The following KANSL1L variants were observed in gnomAD, a reference collection of about 807,000 sequenced individuals.
KANSL1L encodes KAT8 regulatory NSL complex subunit 1 like.
KANSL1L carries 25 observed loss-of-function variants against 108.6 expected under a neutral mutation model. The ratio of observed to expected loss-of-function variants is 0.23; its 90% CI spans 0.17 to 0.32. KANSL1L has a LOEUF of 0.32. KANSL1L is among the 10% of genes least tolerant of loss of function. KANSL1L has a pLI of 1.00. For synonymous variants in KANSL1L, 405 were observed against 395.1 expected (o/e 1.03, Z -0.30); for missense variants, 1,137 against 1,125.7 (o/e 1.01, Z -0.14).
At chr2:210,095,311 A>C (rs1200179063) in intron 5 of KANSL1L, among the ~76,000 whole-genome samples, 2 of 152,042 alleles carry the variant, frequency 1.3e-5, no homozygotes, top group African/African-American at 4.8e-5. Context: ...CTTGAAGGGT[A>C]ATCTTGACCC....
rs1346859840 is a variant in KANSL1L at position 210,104,209 on chromosome 2, T to C, written c.1323A>G (p.Leu441=). The part of the protein sequence containing the change: ...FADQAASLNI[L]GNPQVPQECQ... ...ACTCCTGGGGAACCTGAGGATTCCC[T>C]AGAATGTTTAGTGAAGCTGCTTGGT... The change falls in exon 4 of 15, where the codon CTA becomes CTG. Residue 441 remains leucine (L), a synonymous_variant. Coordinates refer to ENST00000281772, the MANE Select transcript of KANSL1L (RefSeq NM_152519.4). 3 of 1,612,996 alleles carry C rather than the reference T, an allele frequency of 1.9e-6. No homozygotes were observed. Among genetic ancestry groups the C allele is most frequent in the South Asian group, 1.1e-5 (1 of 91,062 alleles).
At chr2:210,070,897 C>A (rs1016029055) in intron 6 of KANSL1L, among the ~76,000 whole-genome samples, 2 of 152,084 alleles carry the variant, frequency 1.3e-5, no homozygotes, top group African/African-American at 4.8e-5. Context: ...CAGTGGCTCA[C>A]GCCTGTAATC....
chr2:210,144,337 C>T (rs141151219), intron 2 of KANSL1L, among the ~76,000 whole-genome samples: 5 of 152,266 alleles, frequency 3.3e-5, no homozygotes, highest in African/African-American at 9.6e-5. Context: ...CTCTCCTTTA[C>T]CCCGATGTGA....
At chr2:210,055,907 A>G (rs1191265324) in intron 6 of KANSL1L, among the ~76,000 whole-genome samples, 1 of 152,266 alleles carries the variant, frequency 6.6e-6, no homozygotes, top group Non-Finnish European at 1.5e-5. Flanking sequence ...AGAAATCTGC[A>G]TAAGTAACAA....
At chr2:210,096,826 A>G (rs1298673241) in intron 5 of KANSL1L, 2 of 905,586 alleles carry the variant, frequency 2.2e-6, no homozygotes, top group South Asian at 5.1e-5. Flanking sequence ...TGTTCCCACA[A>G]TAGAACAATG....
At chr2:210,085,254 A>G (rs951673003) in intron 5 of KANSL1L, among the ~76,000 whole-genome samples, 4 of 152,228 alleles carry the variant, frequency 2.6e-5, no homozygotes, top group Admixed American at 2.0e-4. Context: ...AGGAAAAGGA[A>G]TAACAAAAGA....
chr2:210,168,473 A>G (rs1032591944), intron 1 of KANSL1L, among the ~76,000 whole-genome samples: 1 of 152,146 alleles, frequency 6.6e-6, no homozygotes, highest in Non-Finnish European at 1.5e-5. Flanking sequence ...AACCATCTCA[A>G]TAATAAAGGA....
intron 2 of KANSL1L, among the ~76,000 whole-genome samples, chr2:210,140,839 G>A (rs2095221228): frequency 6.6e-6 from 1 of 151,720 alleles, no homozygotes; most frequent in African/African-American, 2.4e-5. Context: ...AGTTGTTGGT[G>A]TACATATCTT....
chr2:210,140,585 A>T (rs944531863), intron 2 of KANSL1L, among the ~76,000 whole-genome samples: 5 of 152,122 alleles, frequency 3.3e-5, no homozygotes, highest in African/African-American at 1.2e-4. Context: ...AAGTCAGGTA[A>T]TGTGGTGCCT....
chr2:210,097,944 T>C (rs1354306378), intron 5 of KANSL1L, 142 bp downstream of exon 5: 1 of 464,852 alleles, frequency 2.2e-6, no homozygotes, highest in African/African-American at 2.1e-5. Flanking sequence ...AAAAAATGCA[T>C]CCATGGTATA....
intron 5 of KANSL1L, chr2:210,080,145 G>GCACACACACACACA (rs79443997): frequency 6.2e-5 from 9 of 146,134 alleles, no homozygotes; most frequent in African/African-American, 2.0e-4. Context: ...ACACACGCGT[G>GCACACACACACACA]CACACACACA....
intron 5 of KANSL1L, among the ~76,000 whole-genome samples, chr2:210,089,230 T>C (rs2094668811): frequency 6.6e-6 from 1 of 152,226 alleles, no homozygotes; most frequent in Non-Finnish European, 1.5e-5. Context: ...ACAATCATCT[T>C]ACTGTCACGG....
In KANSL1L at chr2:210,040,545, A is replaced by G. The variant is rs1293302889; in HGVS notation, c.1922-18T>C. The G allele has an allele frequency of 1.6e-6, 2 of 1,239,282 alleles. No homozygotes were observed. Among genetic ancestry groups the G allele is most frequent in the Non-Finnish European group, 2.3e-6 (2 of 881,810 alleles). The allele number at this position is 1,239,282 out of a possible 1,614,324, so 76.8% of individuals were successfully genotyped here. A position where few individuals can be genotyped will look rare whatever the true frequency, so the allele number is the denominator to read the frequency against. On this transcript the variant is annotated intron_variant, in intron 7 of 14. Transcript: ENST00000281772. ...AGGCACATCTGGAAAAATAAAATAAAAAAGGTATTTTCAAATACCACTCTT... is the reference window on the plus strand; with the variant it reads ...AGGCACATCTGGAAAAATAAAATAAGAAAGGTATTTTCAAATACCACTCTT...
At chr2:210,163,267 C>T (rs1464818615) in intron 1 of KANSL1L, among the ~76,000 whole-genome samples, 1 of 152,038 alleles carries the variant, frequency 6.6e-6, no homozygotes, top group Non-Finnish European at 1.5e-5. Context: ...AAAAAACAGA[C>T]AACATGCAAC....
At chr2:210,171,565 C>T (rs1188778585), upstream of KANSL1L, 1 of 152,530 alleles carries the variant, frequency 6.6e-6, no homozygotes, top group East Asian at 1.9e-4. Flanking sequence ...ACTCCCTTAA[C>T]TCTGGTGCAG....
chr2:210,069,940 T>C (rs1243269464), intron 6 of KANSL1L, among the ~76,000 whole-genome samples: 2 of 150,490 alleles, frequency 1.3e-5, no homozygotes, highest in African/African-American at 4.9e-5. Context: ...GCAATTCTCC[T>C]GTCTCAGCCT....
intron 3 of KANSL1L, among the ~76,000 whole-genome samples, chr2:210,116,307 C>T (rs949776428): frequency 1.3e-5 from 2 of 152,166 alleles, no homozygotes; most frequent in Non-Finnish European, 2.9e-5. Context: ...TCTCTAGACC[C>T]ACCCGGGGCT....
intron 2 of KANSL1L, among the ~76,000 whole-genome samples, chr2:210,129,933 T>C (rs1292914465): frequency 6.6e-6 from 1 of 151,080 alleles, no homozygotes; most frequent in African/African-American, 2.4e-5. Context: ...TAGAGAAAAA[T>C]TATTGGGGAT....
At chr2:210,089,620 A>G (rs2094673056) in intron 5 of KANSL1L, among the ~76,000 whole-genome samples, 1 of 152,182 alleles carries the variant, frequency 6.6e-6, no homozygotes, top group African/African-American at 2.4e-5. Flanking sequence ...GTGTATTCTC[A>G]TAACTACTTT....
Sources: gnomAD v4.1 joint callset for allele counts (sites outside exome capture counted in the v4.1 genomes callset) on GRCh38, gnomAD v4.1.1 for gene constraint, MANE v1.5 for transcripts, NCBI Gene and HGNC (gene_info 2026-07-23, HGNC 2026-07-21) for gene names.